CATSPER3: variants seen among roughly 807,000 people sequenced by gnomAD.
The protein encoded by CATSPER3 is cation channel sperm associated 3, also known as cation channel sperm-associated protein 3.
Under a neutral mutation model 36.6 loss-of-function variants are expected in CATSPER3, and 23 were observed. The observed-to-expected ratio is 0.63, with a 90% CI of 0.45 to 0.89. CATSPER3 has a LOEUF of 0.89. CATSPER3 is among the 40% of genes least tolerant of loss of function. The pLI, the probability that CATSPER3 is intolerant of heterozygous loss-of-function variation, is 0.00. For synonymous variants in CATSPER3, 172 were observed against 184.1 expected, an observed-to-expected ratio of 0.93 and a Z score of 0.53; for missense variants, 474 against 503.9, an observed-to-expected ratio of 0.94 and a Z score of 0.57.
At chr5:134,974,040 G>C (rs1392903159) in intron 2 of CATSPER3, among the ~76,000 whole-genome samples, 1 of 152,154 alleles carries the variant, frequency 6.6e-6, no homozygotes, top group African/African-American at 2.4e-5. Context: ...GAATATCACA[G>C]TTTTTCAATG....
intron 2 of CATSPER3, among the ~76,000 whole-genome samples, chr5:134,978,482 A>G (rs1351939366): frequency 6.6e-6 from 1 of 152,184 alleles, no homozygotes; most frequent in Non-Finnish European, 1.5e-5. Context: ...AACACAATCT[A>G]TAAAAAAACT....
chr5:134,990,765 A>C (rs1346056733), intron 2 of CATSPER3, among the ~76,000 whole-genome samples: 1 of 152,246 alleles, frequency 6.6e-6, no homozygotes, highest in Non-Finnish European at 1.5e-5. Flanking sequence ...CAGGATCTGC[A>C]CAGTGCAATA....
chr5:134,969,411 T>A (rs1351232001), intron 1 of CATSPER3: 1 of 171,244 alleles, frequency 5.8e-6, no homozygotes, highest in Non-Finnish European at 1.3e-5. Flanking sequence ...TTGGTATTGC[T>A]GTAGAACATA....
At chr5:134,971,653 C>G (rs2149544901) in intron 2 of CATSPER3, among the ~76,000 whole-genome samples, 1 of 152,262 alleles carries the variant, frequency 6.6e-6, no homozygotes, top group East Asian at 1.9e-4. Context: ...CAATACTGGG[C>G]TAGATCAAGA....
At chr5:134,977,455 G>A (rs1184769093) in intron 2 of CATSPER3, among the ~76,000 whole-genome samples, 1 of 152,148 alleles carries the variant, frequency 6.6e-6, no homozygotes, top group East Asian at 1.9e-4. Flanking sequence ...GATAACAAGG[G>A]TGACCTTTAT....
chr5:135,007,965 C>G lies in CATSPER3; in HGVS notation c.501C>G (p.Ile167Met). ...IGYSQGIRTL[I>M]TAVGQTVYTV... ...GTGTCCCTGCCTTGCAGACGCTGAT[C>G]ACCGCCGTGGGGCAGACAGTCTACA... The change falls in exon 4 of 8, where the codon ATC becomes ATG. Residue 167 changes from isoleucine (I) to methionine (M), a missense_variant. Physicochemically the swap from Ile to Met is conservative, Grantham distance 10. Transcript: ENST00000282611. 1 of 1,613,960 alleles carries G rather than the reference C, an allele frequency of 6.2e-7. No homozygotes were observed. The highest frequency in any genetic ancestry group is 8.5e-7 in the Non-Finnish European group (1 of 1,179,996).
chr5:134,983,981 G>A (rs576924056), intron 2 of CATSPER3, among the ~76,000 whole-genome samples: 1 of 152,118 alleles, frequency 6.6e-6, no homozygotes, highest in Non-Finnish European at 1.5e-5. Flanking sequence ...CAGAAATAAG[G>A]CCAAATACTT....
chr5:134,969,974 G>A lies in CATSPER3; in HGVS notation c.134G>A (p.Arg45Lys). The A allele has an allele frequency of 6.2e-7, 1 of 1,614,066 alleles. No individual in the cohort carries two copies. Among genetic ancestry groups the A allele is most frequent in the East Asian group, 2.2e-5 (1 of 44,872 alleles). ...NDDECRAFVKRVIMSRFFKII... is the reference protein window; with the variant it reads ...NDDECRAFVKKVIMSRFFKII... Reference sequence around the variant, plus strand: ...GATGAATGTCGGGCATTTGTGAAGAGAGTCATAATGAGCCGTTTCTTTAAG... The same window carrying A: ...GATGAATGTCGGGCATTTGTGAAGAAAGTCATAATGAGCCGTTTCTTTAAG... Residue 45 changes from arginine to lysine, a missense_variant, in exon 2 of 8, where the codon AGA (arginine) becomes AAA (lysine). Physicochemically the swap from Arg to Lys is conservative, Grantham distance 26. Transcript: ENST00000282611.
chr5:135,004,734 A>C (rs555627008), intron 3 of CATSPER3, among the ~76,000 whole-genome samples: 1 of 152,112 alleles, frequency 6.6e-6, no homozygotes, highest in African/African-American at 2.4e-5. Flanking sequence ...AGAAGGAGGT[A>C]CTGAGTCTGG....
chr5:134,980,358 CTCCT>C (rs1751735222), intron 2 of CATSPER3, among the ~76,000 whole-genome samples: 1 of 149,804 alleles, frequency 6.7e-6, no homozygotes, highest in Non-Finnish European at 1.5e-5. Context: ...CCCTCCCTCC[CTCCT>C]CTCTTCCTTC....
chr5:134,973,404 T>C (rs1235809248), intron 2 of CATSPER3, among the ~76,000 whole-genome samples: 3 of 152,220 alleles, frequency 2.0e-5, no homozygotes, highest in South Asian at 2.1e-4. Context: ...CTGAGACTTG[T>C]ATGTCTGTAA....
At chr5:134,997,229 C>T (rs1160584878) in intron 3 of CATSPER3, among the ~76,000 whole-genome samples, 2 of 152,232 alleles carry the variant, frequency 1.3e-5, no homozygotes, top group Non-Finnish European at 1.5e-5. Context: ...GGCTGCCCCT[C>T]GCCTGGGCTT....
intron 2 of CATSPER3, among the ~76,000 whole-genome samples, chr5:134,989,446 A>T (rs900171757): frequency 1.3e-5 from 2 of 152,206 alleles, no homozygotes; most frequent in African/African-American, 4.8e-5. Context: ...GAGTGTAGCT[A>T]CTTTCATCAA....
At chr5:134,970,179 A>C in intron 2 of CATSPER3, 87 bp downstream of exon 2, 3 of 1,281,430 alleles carry the variant, frequency 2.3e-6, no homozygotes, top group Non-Finnish European at 3.4e-6. Context: ...TTTTTTTCCG[A>C]GACAGAATCT....
intron 2 of CATSPER3, among the ~76,000 whole-genome samples, chr5:134,981,152 C>A (rs1019080556): frequency 2.0e-5 from 3 of 151,944 alleles, no homozygotes; most frequent in Admixed American, 2.0e-4. Flanking sequence ...AACCCTCTCT[C>A]TCTCTCCCTT....
intron 2 of CATSPER3, among the ~76,000 whole-genome samples, chr5:134,975,974 A>T (rs1465640979): frequency 5.3e-5 from 8 of 152,214 alleles, no homozygotes; most frequent in Non-Finnish European, 1.5e-5. Context: ...ATTTGCAGCA[A>T]TGTGGATGAA....
intron 5 of CATSPER3, 146 bp downstream of exon 5, chr5:135,009,127 C>G (rs1232478784): frequency 2.6e-6 from 3 of 1,134,522 alleles, no homozygotes; most frequent in Non-Finnish European, 4.0e-6. Context: ...CTGTCCCTCA[C>G]CCGGCCCAAC....
chr5:134,979,466 C>T (rs928103841), intron 2 of CATSPER3, among the ~76,000 whole-genome samples: 19 of 152,192 alleles, frequency 1.2e-4, no homozygotes, highest in African/African-American at 4.6e-4. Context: ...CCATTTTGAC[C>T]TGAGAGCCAG....
chr5:134,979,328 G>C (rs528397905), intron 2 of CATSPER3, among the ~76,000 whole-genome samples: 3 of 152,012 alleles, frequency 2.0e-5, no homozygotes, highest in African/African-American at 7.3e-5. Context: ...GTAGAGATGG[G>C]GTCTCGCTAT....
Sources: gnomAD v4.1 joint callset for allele counts (sites outside exome capture counted in the v4.1 genomes callset) on GRCh38, gnomAD v4.1.1 for gene constraint, MANE v1.5 for transcripts, NCBI Gene and HGNC (gene_info 2026-07-23, HGNC 2026-07-21) for gene names.